Variants in NAALADL2 observed in about 807,000 individuals in gnomAD.
NAALADL2 encodes the protein inactive N-acetylated-alpha-linked acidic dipeptidase-like protein 2.
A neutral mutation model predicts 87.2 loss-of-function variants in NAALADL2; 76 were observed. That is an observed-to-expected ratio of 0.87 (90% CI 0.72 to 1.05). The LOEUF (loss-of-function observed/expected upper bound fraction) is 1.05. Ranked by LOEUF, NAALADL2 falls within the 50% of genes least tolerant of loss-of-function variation. NAALADL2 has a pLI of 0.00. For synonymous variants in NAALADL2, 354 were observed against 331.0 expected (o/e 1.07, Z -0.75); for missense variants, 1,089 against 945.8 (o/e 1.15, Z -1.99).
chr3:175,279,899 A>G (rs115091762), intron 4 of NAALADL2, among the ~76,000 whole-genome samples: 1 of 151,840 alleles, frequency 6.6e-6, no homozygotes, highest in Admixed American at 6.6e-5. Flanking sequence ...TGAATAGATA[A>G]GCACTTCCCT....
At chr3:174,609,141 T>C (rs1468560886) in intron 2 of NAALADL2, among the ~76,000 whole-genome samples, 1 of 152,146 alleles carries the variant, frequency 6.6e-6, no homozygotes, top group African/African-American at 2.4e-5. Context: ...TCTCAATAAA[T>C]TAGGTATTGA....
At chr3:175,702,877 C>T (rs546363708) in intron 11 of NAALADL2, among the ~76,000 whole-genome samples, 2 of 150,784 alleles carry the variant, frequency 1.3e-5, no homozygotes, top group East Asian at 3.9e-4. Context: ...ATCCTTAGAT[C>T]ATATATTTAA....
chr3:174,689,509 T>C (rs532311822), intron 2 of NAALADL2, among the ~76,000 whole-genome samples: 1 of 152,150 alleles, frequency 6.6e-6, no homozygotes, highest in South Asian at 2.1e-4. Flanking sequence ...TTCAGAATAG[T>C]CTGGGAATCA....
chr3:175,337,471 C>T (rs1399031591), intron 5 of NAALADL2, among the ~76,000 whole-genome samples: 1 of 152,132 alleles, frequency 6.6e-6, no homozygotes, highest in Middle Eastern at 3.4e-3. Context: ...CCCAATCAAC[C>T]ATGACTGGTG....
rs564385318 is a variant in NAALADL2 at position 175,111,728 on chromosome 3, C to A, written c.545+14437C>A. Among the ~76,000 whole-genome samples, 7 of 151,794 alleles carry A rather than the reference C, an allele frequency of 4.6e-5. No individual in the cohort carries two copies. In the South Asian group the frequency reaches 1.5e-3, roughly 31 times the overall value. ...GACTTAGGTTTCACTTGATCCAATG[C>A]TGCTGCCTTCTCTAGTCAGACAGTC... On this transcript the variant is annotated intron_variant, in intron 2 of 13. Coordinates refer to ENST00000454872, the MANE Select transcript of NAALADL2 (RefSeq NM_207015.3).
intron 3 of NAALADL2, among the ~76,000 whole-genome samples, chr3:174,819,676 C>G (rs1378198878): frequency 6.6e-6 from 1 of 152,008 alleles, no homozygotes; most frequent in Admixed American, 6.6e-5. Context: ...AAAACTGAAC[C>G]AGAAAACTCT....
At chr3:175,088,441 T>A (rs943015959) in intron 1 of NAALADL2, among the ~76,000 whole-genome samples, 5 of 152,176 alleles carry the variant, frequency 3.3e-5, no homozygotes, top group Non-Finnish European at 7.3e-5. Context: ...AGAACAAGTA[T>A]GAGAAAAGCT....
intron 3 of NAALADL2, among the ~76,000 whole-genome samples, chr3:174,808,395 A>T (rs1719748455): frequency 6.6e-6 from 1 of 152,136 alleles, no homozygotes; most frequent in Non-Finnish European, 1.5e-5. Flanking sequence ...CAGGAAAAGA[A>T]GGCAAAACTG....
At chr3:175,399,870 T>C (rs996360367) in intron 5 of NAALADL2, among the ~76,000 whole-genome samples, 1 of 152,126 alleles carries the variant, frequency 6.6e-6, no homozygotes, top group Non-Finnish European at 1.5e-5. Context: ...TTGCCCACTT[T>C]CCTTTTGGTG....
At chr3:175,656,110 A>G (rs751945722) in intron 11 of NAALADL2, among the ~76,000 whole-genome samples, 8 of 152,172 alleles carry the variant, frequency 5.3e-5, no homozygotes, top group South Asian at 2.1e-4. Context: ...GCCAAACTTA[A>G]GTCTAGTATA....
At chr3:174,621,089 A>G (rs777257469) in intron 2 of NAALADL2, among the ~76,000 whole-genome samples, 3 of 152,044 alleles carry the variant, frequency 2.0e-5, no homozygotes, top group Non-Finnish European at 2.9e-5. Context: ...CTCATAGAAA[A>G]ATAACTGTAA....
chr3:175,148,057 C>A (rs1560090291), intron 2 of NAALADL2, among the ~76,000 whole-genome samples: 2 of 146,088 alleles, frequency 1.4e-5, no homozygotes, highest in Admixed American at 7.0e-5. Flanking sequence ...GCAACAAGAG[C>A]AAAACTCTGT....
At chr3:174,839,537 A>T (rs929691282) in intron 3 of NAALADL2, among the ~76,000 whole-genome samples, 41 of 152,188 alleles carry the variant, frequency 2.7e-4, no homozygotes, top group African/African-American at 8.2e-4. Flanking sequence ...CAAAAAGAAC[A>T]GTCAGCAGAG....
At chr3:175,168,324 C>T (rs1455013653) in intron 2 of NAALADL2, among the ~76,000 whole-genome samples, 3 of 151,772 alleles carry the variant, frequency 2.0e-5, no homozygotes, top group Non-Finnish European at 2.9e-5. Context: ...CAAAATTTTA[C>T]ATATAGATAA....
intron 2 of NAALADL2, among the ~76,000 whole-genome samples, chr3:174,652,844 T>G (rs1724510993): frequency 6.6e-6 from 1 of 151,890 alleles, no homozygotes; most frequent in Admixed American, 6.6e-5. Context: ...GGCACATAGA[T>G]ATCAAATATA....
At chr3:174,674,025 G>C (rs1254768836) in intron 2 of NAALADL2, among the ~76,000 whole-genome samples, 1 of 151,936 alleles carries the variant, frequency 6.6e-6, no homozygotes, top group African/African-American at 2.4e-5. Context: ...GAAGAGAAGA[G>C]GTTTAATTCA....
intron 1 of NAALADL2, among the ~76,000 whole-genome samples, chr3:175,071,628 C>T (rs1231668261): frequency 1.3e-5 from 2 of 151,952 alleles, no homozygotes; most frequent in Non-Finnish European, 2.9e-5. Context: ...GTACCGTCCC[C>T]AATTAATTGG....
chr3:175,485,804 C>G (rs1360497946), intron 9 of NAALADL2, among the ~76,000 whole-genome samples: 1 of 152,168 alleles, frequency 6.6e-6, no homozygotes, highest in African/African-American at 2.4e-5. Flanking sequence ...CAGACACACC[C>G]AGAAACAATA....
chr3:174,988,396 G>A (rs1283021816), intron 1 of NAALADL2, among the ~76,000 whole-genome samples: 5 of 152,036 alleles, frequency 3.3e-5, no homozygotes, highest in Non-Finnish European at 5.9e-5. Context: ...TAATCCTAAC[G>A]GTAACCATGT....
Sources: gnomAD v4.1 joint callset for allele counts (sites outside exome capture counted in the v4.1 genomes callset) on GRCh38, gnomAD v4.1.1 for gene constraint, MANE v1.5 for transcripts, NCBI Gene and HGNC (gene_info 2026-07-23, HGNC 2026-07-21) for gene names.